TENM3: variants seen among roughly 807,000 people sequenced by gnomAD.
TENM3 encodes the protein teneurin-3.
TENM3 carries 63 observed loss-of-function variants against 255.1 expected under a neutral mutation model. The observed-to-expected ratio is 0.25, with a 90% CI of 0.20 to 0.30. TENM3 has a LOEUF of 0.30. TENM3 is among the 10% of genes least tolerant of loss of function. The pLI is 1.00. For synonymous variants in TENM3, 1,306 were observed against 1,322.3 expected (o/e 0.99, Z 0.27); for missense variants, 2,929 against 3,461.1 (o/e 0.85, Z 3.86).
chr4:181,799,141 T>A, the TENM3 span, among the ~76,000 whole-genome samples: 1 of 152,232 alleles, frequency 6.6e-6, no homozygotes, highest in Non-Finnish European at 1.5e-5. Flanking sequence ...ATAACTGCAT[T>A]ACTGATTTCT....
At chr4:182,365,173 A>G (rs536500399) in intron 3 of TENM3, among the ~76,000 whole-genome samples, 1 of 152,326 alleles carries the variant, frequency 6.6e-6, no homozygotes, top group East Asian at 1.9e-4. Context: ...ACATTTTCAC[A>G]TGTATGTACC....
At chr4:181,947,872 A>C in the TENM3 span, among the ~76,000 whole-genome samples, 1 of 152,310 alleles carries the variant, frequency 6.6e-6, no homozygotes, top group South Asian at 2.1e-4. Context: ...AAGTTCTCTT[A>C]ACTGATGGAT....
At chr4:181,861,303 A>T in the TENM3 span, among the ~76,000 whole-genome samples, 5 of 152,162 alleles carry the variant, frequency 3.3e-5, no homozygotes, top group African/African-American at 4.8e-5. Flanking sequence ...TTTTCCATGA[A>T]AGAAGGTGGA....
the TENM3 span, among the ~76,000 whole-genome samples, chr4:181,527,296 A>G: frequency 6.6e-6 from 1 of 152,214 alleles, no homozygotes; most frequent in East Asian, 1.9e-4. Flanking sequence ...TGTTTTACCT[A>G]TCTGAAGACA....
the TENM3 span, among the ~76,000 whole-genome samples, chr4:181,544,408 T>TAAAAAAAAAAAAAAAAAAAAAAAAAAAAA: frequency 8.7e-5 from 6 of 68,670 alleles, 1 homozygote; most frequent in African/African-American, 2.1e-4. Flanking sequence ...CCTTCAGGAT[T>TAAAAAAAAAAAAAAAAAAAAAAAAAAAAA]AAAAAAAAAA....
At chr4:182,119,256 G>T in the TENM3 span, among the ~76,000 whole-genome samples, 2 of 152,100 alleles carry the variant, frequency 1.3e-5, no homozygotes, top group Admixed American at 1.3e-4. Flanking sequence ...GATGTATTTC[G>T]AAATGGCTCC....
At chr4:181,605,640 C>A in the TENM3 span, among the ~76,000 whole-genome samples, 1 of 151,120 alleles carries the variant, frequency 6.6e-6, no homozygotes, top group East Asian at 1.9e-4. Flanking sequence ...AAACCAGCAC[C>A]ACATATGACA....
At chr4:181,605,597 GAA>G in the TENM3 span, among the ~76,000 whole-genome samples, 1 of 123,520 alleles carries the variant, frequency 8.1e-6, no homozygotes, top group Non-Finnish European at 1.8e-5. Context: ...AAGAAAGAAA[GAA>G]AGAAAGAAAG....
chr4:181,995,284 T>C, the TENM3 span, among the ~76,000 whole-genome samples: 2 of 151,450 alleles, frequency 1.3e-5, no homozygotes, highest in Non-Finnish European at 2.9e-5. Flanking sequence ...AGGGAGGCTC[T>C]GTCTCAAACA....
At chr4:181,713,037 T>G in the TENM3 span, among the ~76,000 whole-genome samples, 1 of 152,210 alleles carries the variant, frequency 6.6e-6, no homozygotes, top group African/African-American at 2.4e-5. Context: ...AAGGAAATTA[T>G]TTACTCATTG....
chr4:182,430,238 T>C (rs1176871903), intron 3 of TENM3, among the ~76,000 whole-genome samples: 2 of 152,182 alleles, frequency 1.3e-5, no homozygotes, highest in Non-Finnish European at 2.9e-5. Context: ...GAGGAGCAGA[T>C]TGTAGCACAC....
chr4:182,233,325 C>T (rs1284060964), intron 1 of TENM3, among the ~76,000 whole-genome samples: 8 of 152,196 alleles, frequency 5.3e-5, no homozygotes, highest in East Asian at 1.9e-4. Flanking sequence ...TGCATGGTGG[C>T]GGCTCCTGGC....
At chr4:182,679,374 A>G (rs139006993) in intron 7 of TENM3, among the ~76,000 whole-genome samples, 4 of 152,300 alleles carry the variant, frequency 2.6e-5, no homozygotes, top group African/African-American at 9.6e-5. Flanking sequence ...CAAACTGCCT[A>G]AACTCATCAA....
chr4:181,480,625 T>C, the TENM3 span, among the ~76,000 whole-genome samples: 1 of 151,874 alleles, frequency 6.6e-6, no homozygotes, highest in Non-Finnish European at 1.5e-5. Context: ...CACTTTTTGG[T>C]ATATGTTTAA....
intron 12 of TENM3, among the ~76,000 whole-genome samples, chr4:182,697,625 G>A (rs976988109): frequency 3.9e-5 from 6 of 152,092 alleles, no homozygotes; most frequent in African/African-American, 9.7e-5. Flanking sequence ...TCTGAGAACC[G>A]GGCTGATTTC....
At chr4:182,740,987 G>A (rs1761559940) in intron 18 of TENM3, among the ~76,000 whole-genome samples, 2 of 152,180 alleles carry the variant, frequency 1.3e-5, no homozygotes, top group Admixed American at 1.3e-4. Flanking sequence ...GACCAGCCTG[G>A]CAACATGGTG....
At chr4:181,576,036 T>C in the TENM3 span, among the ~76,000 whole-genome samples, 1 of 152,216 alleles carries the variant, frequency 6.6e-6, no homozygotes, top group African/African-American at 2.4e-5. Context: ...AAGCCAGAGC[T>C]TTCAGTGTAT....
intron 2 of TENM3, among the ~76,000 whole-genome samples, chr4:182,338,922 T>C (rs1013852308): frequency 1.3e-5 from 2 of 152,212 alleles, no homozygotes; most frequent in African/African-American, 2.4e-5. Flanking sequence ...GCCATTATAG[T>C]GAATAATGGG....
chr4:181,712,433 C>T, the TENM3 span, among the ~76,000 whole-genome samples: 1 of 152,128 alleles, frequency 6.6e-6, no homozygotes, highest in Admixed American at 6.6e-5. Flanking sequence ...AGGTATCACT[C>T]CCCCTTTGCC....
Sources: allele counts gnomAD v4.1 joint callset (sites outside exome capture counted in the v4.1 genomes callset), GRCh38; gene constraint gnomAD v4.1.1; transcripts MANE v1.5; gene names NCBI Gene and HGNC (gene_info 2026-07-23, HGNC 2026-07-21).